CNTN6: variants seen among roughly 807,000 people sequenced by gnomAD.
CNTN6 encodes contactin 6, also known as contactin-6.
In CNTN6, 137 loss-of-function variants were observed where a neutral mutation model predicts 122.8. The observed-to-expected ratio is 1.12, with a 90% confidence interval of 0.97 to 1.29. CNTN6 has a LOEUF of 1.29. Among genes scored for constraint, CNTN6 ranks in the 50% most tolerant of loss-of-function variants. The probability of loss-of-function intolerance (pLI) is 0.00; values close to 1 mark genes in which losing one functional copy is unlikely to be tolerated. For missense variants in CNTN6, 1,634 were observed against 1,223.4 expected, an observed-to-expected ratio of 1.34 and a Z score of -5.01; for synonymous variants, 570 against 426.0, an observed-to-expected ratio of 1.34 and a Z score of -4.16.
rs1174272513 is a variant in CNTN6, at chr3:1,098,112, C to T, written c.-83+4992C>T. Among the ~76,000 whole-genome samples, 3 of 151,576 alleles carry T rather than the reference C, an allele frequency of 2.0e-5. No individual in the cohort carries two copies. In the South Asian group the frequency reaches 6.3e-4, roughly 32 times the overall value. ...ATATTTGCGGGGGGGGGAGGGATAG[C>T]ATTGGGAGATATACCTAATGCTAGA... On this transcript the variant is annotated intron_variant, in intron 1 of 22. Coordinates refer to ENST00000446702, the MANE Select transcript of CNTN6 (RefSeq NM_001289080.2).
rs529938342 is a variant in CNTN6 at position 1,381,895 on chromosome 3, C to T, written c.2167-1047C>T. On this transcript the variant is annotated intron_variant, in intron 17 of 22. Transcript: ENST00000446702. ...CCGTAGAGTACAGAGATTCTGCCCT[C>T]ATAGATACTCACCAAGACGGTGCCT... Among the ~76,000 whole-genome samples the T allele has an allele frequency of 1.6e-4, 24 of 152,200 alleles. No individual in the cohort carries two copies. In the South Asian group the frequency reaches 4.1e-3, roughly 26 times the overall value.
chr3:1,233,808 ATTAATGATATTATT>A lies in CNTN6; in HGVS notation c.358+5816_358+5829del, dbSNP rs1443637914. The stretch of plus-strand genomic sequence containing the variant: ...TTCCTTAAATATGTTAGTCTGACAT[ATTAATGATATTATT>A]AATATTATCAAAACCATAGCACACA... On this transcript the variant is annotated intron_variant, in intron 4 of 22. Transcript: ENST00000446702. Among the ~76,000 whole-genome samples the A allele has an allele frequency of 7.3e-5, 11 of 151,620 alleles. No individual in the cohort carries two copies. The East Asian group carries it at 2.1e-3, about 29-fold the overall frequency.
chr3:1,377,915 T>A lies in CNTN6; in HGVS notation c.2166+840T>A, dbSNP rs896054265. 5.9e-5 allele frequency among the ~76,000 whole-genome samples: 9 copies of A among 152,130 alleles called. No individual in the cohort carries two copies. The East Asian group carries it at 1.7e-3, about 30-fold the overall frequency. ...TATCAGACGCTGCCATTTCATAGGG[T>A]AGGGTTTCTGCGTTTTTTAATTTAT... On this transcript the variant is annotated intron_variant, in intron 17 of 22. Coordinates refer to ENST00000446702, the MANE Select transcript of CNTN6 (RefSeq NM_001289080.2).
intron 1 of CNTN6, among the ~76,000 whole-genome samples, chr3:1,120,498 G>A (rs1003978164): frequency 1.3e-5 from 2 of 151,842 alleles, no homozygotes; most frequent in Admixed American, 6.6e-5. Context: ...ACTTTGTAAA[G>A]TGTTTATGAA....
At chr3:1,236,545 C>T (rs1466144903) in intron 4 of CNTN6, among the ~76,000 whole-genome samples, 1 of 152,186 alleles carries the variant, frequency 6.6e-6, no homozygotes, top group Non-Finnish European at 1.5e-5. Context: ...AACACCGAAA[C>T]AAGGGAGCAC....
intron 4 of CNTN6, among the ~76,000 whole-genome samples, chr3:1,249,825 T>C (rs1477354042): frequency 2.6e-5 from 4 of 152,198 alleles, no homozygotes; most frequent in Admixed American, 2.6e-4. Flanking sequence ...AATTATTTCA[T>C]CCATTTTTAA....
chr3:1,387,042 G>T (rs1390601980), intron 20 of CNTN6, among the ~76,000 whole-genome samples: 1 of 151,134 alleles, frequency 6.6e-6, no homozygotes, highest in Non-Finnish European at 1.5e-5. Context: ...CCAATTCTGG[G>T]TACATCATTG....
chr3:1,214,903 C>T (rs895982562), intron 2 of CNTN6, among the ~76,000 whole-genome samples: 2 of 152,070 alleles, frequency 1.3e-5, no homozygotes, highest in Non-Finnish European at 2.9e-5. Flanking sequence ...CTACAAGCAC[C>T]CACCACTGCT....
chr3:1,274,104 T>G (rs1445108500), intron 4 of CNTN6, among the ~76,000 whole-genome samples: 1 of 152,198 alleles, frequency 6.6e-6, no homozygotes, highest in Non-Finnish European at 1.5e-5. Context: ...AAAAAAACCT[T>G]AAAATTGTCA....
intron 4 of CNTN6, among the ~76,000 whole-genome samples, chr3:1,236,355 C>G (rs2094422000): frequency 6.6e-6 from 1 of 152,160 alleles, no homozygotes; most frequent in Non-Finnish European, 1.5e-5. Flanking sequence ...CTACCTCCAC[C>G]AGAGCAGGTG....
Position 1,403,439 on chromosome 3 carries a change from T to A in CNTN6, c.*21T>A. 1 of 1,529,678 alleles carries A rather than the reference T, an allele frequency of 6.5e-7. No homozygotes were observed. The highest frequency in any genetic ancestry group is 9.0e-7 in the Non-Finnish European group (1 of 1,105,486). 94.8% of individuals were successfully genotyped at this position (1,529,678 alleles called of 1,614,324 possible). ...TCTGATGAATAAAACCATAAATCTT[T>A]GAGAGTTTTTTGAAAGCAAATCATT... On this transcript the variant is annotated 3_prime_UTR_variant, in exon 23 of 23. Coordinates refer to ENST00000446702, the MANE Select transcript of CNTN6 (RefSeq NM_001289080.2).
intron 4 of CNTN6, among the ~76,000 whole-genome samples, chr3:1,254,999 G>C (rs1171461649): frequency 1.3e-5 from 2 of 152,018 alleles, no homozygotes; most frequent in East Asian, 3.9e-4. Flanking sequence ...AATTCATTAC[G>C]TATTGTTGGC....
intron 12 of CNTN6, among the ~76,000 whole-genome samples, chr3:1,365,772 A>C (rs1011922285): frequency 6.6e-6 from 1 of 152,170 alleles, no homozygotes; most frequent in African/African-American, 2.4e-5. Flanking sequence ...TTAATATGTT[A>C]AAATGTTTAA....
intron 10 of CNTN6, 100 bp downstream of exon 10, chr3:1,327,686 C>T: frequency 1.7e-6 from 2 of 1,187,614 alleles, no homozygotes; most frequent in Non-Finnish European, 2.4e-6. Flanking sequence ...TTAGAAATTG[C>T]TGTCCCATCA....
chr3:1,121,246 C>G (rs139386101), intron 1 of CNTN6, among the ~76,000 whole-genome samples: 4 of 136,578 alleles, frequency 2.9e-5, no homozygotes, highest in African/African-American at 1.0e-4. Flanking sequence ...CAGAGTTAAA[C>G]AAATTGACAG....
chr3:1,353,040 T>G (rs1203902071), intron 12 of CNTN6, among the ~76,000 whole-genome samples: 1 of 151,770 alleles, frequency 6.6e-6, no homozygotes, highest in Non-Finnish European at 1.5e-5. Flanking sequence ...TTTTAAGATT[T>G]CTAAATCAGT....
intron 2 of CNTN6, among the ~76,000 whole-genome samples, chr3:1,157,891 A>C (rs981952670): frequency 3.3e-5 from 5 of 152,110 alleles, no homozygotes; most frequent in Non-Finnish European, 7.4e-5. Flanking sequence ...TTATCAATTT[A>C]TCTGTTGATG....
chr3:1,269,295 T>C (rs2094982542), intron 4 of CNTN6, among the ~76,000 whole-genome samples: 1 of 152,254 alleles, frequency 6.6e-6, no homozygotes, highest in South Asian at 2.1e-4. Flanking sequence ...ACTTGCATTT[T>C]TGATCATTTT....
At chr3:1,166,312 A>T (rs949954451) in intron 2 of CNTN6, among the ~76,000 whole-genome samples, 2 of 152,266 alleles carry the variant, frequency 1.3e-5, no homozygotes, top group Admixed American at 6.5e-5. Context: ...CACTTGCCCA[A>T]TGTCATTCAG....
Sources: allele counts gnomAD v4.1 joint callset (sites outside exome capture counted in the v4.1 genomes callset), GRCh38; gene constraint gnomAD v4.1.1; transcripts MANE v1.5; gene names NCBI Gene and HGNC (gene_info 2026-07-23, HGNC 2026-07-21).